Variants in PTPRN2 observed in about 807,000 individuals in gnomAD.
The protein encoded by PTPRN2 is protein tyrosine phosphatase receptor type N2.
Under a neutral mutation model 118.8 loss-of-function variants are expected in PTPRN2, and 74 were observed. That is an observed-to-expected ratio of 0.62 (90% CI 0.52 to 0.76). The LOEUF (loss-of-function observed/expected upper bound fraction) is 0.76, where lower values mean the gene tolerates loss of function less well. Among genes scored for constraint, PTPRN2 ranks in the 30% least tolerant of loss-of-function variants. The probability of loss-of-function intolerance (pLI) is 0.00; values close to 1 mark genes in which losing one functional copy is unlikely to be tolerated. For missense variants in PTPRN2, 1,481 were observed against 1,394.4 expected (o/e 1.06, Z -0.99); for synonymous variants, 641 against 608.0 (o/e 1.05, Z -0.80).
At position 157,813,657 on chromosome 7, in the gene PTPRN2, T is replaced by C. The variant is rs374607375; in HGVS notation, c.1788+85016A>G. On this transcript the variant is annotated intron_variant, in intron 12 of 22. Transcript: ENST00000389418. The surrounding 1 kb of genome is among the most constrained non-coding windows in gnomAD (Gnocchi z 4.7). ...CGGGGGAGTCGCATTTCTTCCTCAC[T>C]GCATCGCTGTATTTTCCAGATGTCC... Among the ~76,000 whole-genome samples the C allele has an allele frequency of 2.0e-5, 3 of 151,950 alleles. No homozygotes were observed. Among genetic ancestry groups the C allele is most frequent in the South Asian group, 4.1e-4 (2 of 4,834 alleles).
At chr7:157,916,549 C>T (rs990594522) in intron 11 of PTPRN2, among the ~76,000 whole-genome samples, 10 of 152,232 alleles carry the variant, frequency 6.6e-5, no homozygotes, top group East Asian at 3.8e-4. Context: ...AGCACCAAGA[C>T]GCATCATTTG....
intron 13 of PTPRN2, among the ~76,000 whole-genome samples, chr7:157,678,221 A>G (rs1348578572): frequency 6.6e-6 from 1 of 152,226 alleles, no homozygotes; most frequent in African/African-American, 2.4e-5. Flanking sequence ...CAAAAAATAT[A>G]TTATTTTGAC....
At chr7:158,583,910 A>T (rs1370928883) in intron 1 of PTPRN2, among the ~76,000 whole-genome samples, 1 of 152,232 alleles carries the variant, frequency 6.6e-6, no homozygotes, top group African/African-American at 2.4e-5. Flanking sequence ...AAGTAAAGAT[A>T]GATTTGTGCT....
intron 12 of PTPRN2, among the ~76,000 whole-genome samples, chr7:157,820,041 C>T (rs1444274980): frequency 1.3e-5 from 2 of 150,214 alleles, no homozygotes; most frequent in Non-Finnish European, 3.0e-5. Context: ...CCCACAGTCA[C>T]ACATGCACCA....
At chr7:158,585,963 T>C (rs1008341849) in intron 1 of PTPRN2, among the ~76,000 whole-genome samples, 5 of 152,140 alleles carry the variant, frequency 3.3e-5, no homozygotes, top group Non-Finnish European at 5.9e-5. Flanking sequence ...TCTTTCCTGA[T>C]AGGGGGCAAG....
At chr7:158,018,787 C>G (rs1488633704) in intron 11 of PTPRN2, among the ~76,000 whole-genome samples, 2 of 151,572 alleles carry the variant, frequency 1.3e-5, no homozygotes, top group Non-Finnish European at 2.9e-5. Context: ...ATGGTAAAAC[C>G]CTGTCTCTAC....
Position 157,927,620 on chromosome 7 carries a change from G to A in PTPRN2, c.1724-28883C>T, listed in dbSNP as rs140154986. Among the ~76,000 whole-genome samples, 471 of 143,868 alleles carry A rather than the reference G, an allele frequency of 3.3e-3. 8 individuals are homozygous for A. The East Asian group carries it at 0.077, about 24-fold the overall frequency. The allele number at this position is 143,868 out of a possible 152,430, so 94.4% of individuals were successfully genotyped here. On this transcript the variant is annotated intron_variant, in intron 11 of 22. Coordinates refer to ENST00000389418, the MANE Select transcript of PTPRN2 (RefSeq NM_002847.5). ...GAGACCTCATGTCTGCTGGGACCCC[G>A]AAGACAGGAAGCCCCAGGGACCCGT...
chr7:158,436,046 G>A (rs1399369059), intron 2 of PTPRN2, among the ~76,000 whole-genome samples: 2 of 152,178 alleles, frequency 1.3e-5, no homozygotes, highest in Non-Finnish European at 2.9e-5. Flanking sequence ...CACTTAAAAT[G>A]TTAAGAGGGT....
intron 11 of PTPRN2, among the ~76,000 whole-genome samples, chr7:157,973,013 G>A (rs1802461761): frequency 6.6e-6 from 1 of 152,114 alleles, no homozygotes; most frequent in African/African-American, 2.4e-5. Flanking sequence ...GAGACTGCAG[G>A]AACTCCACAC....
At chr7:158,071,477 G>C (rs1811638086) in intron 11 of PTPRN2, among the ~76,000 whole-genome samples, 1 of 137,388 alleles carries the variant, frequency 7.3e-6, no homozygotes, top group Non-Finnish European at 1.5e-5. Context: ...TGGTGGTGGA[G>C]GTTCTCATGG....
intron 9 of PTPRN2, among the ~76,000 whole-genome samples, chr7:158,127,799 T>G (rs1290351334): frequency 6.6e-6 from 1 of 152,180 alleles, no homozygotes; most frequent in Non-Finnish European, 1.5e-5. Context: ...CTCCTCCCTA[T>G]ACCTGGTGTC....
At chr7:157,750,220 C>T (rs1004653371) in intron 12 of PTPRN2, among the ~76,000 whole-genome samples, 3 of 152,066 alleles carry the variant, frequency 2.0e-5, no homozygotes, top group Admixed American at 6.6e-5. Context: ...AGAGAATGCT[C>T]GATTTAGAGA....
At chr7:158,268,533 CACACGCACACAGGGCGG>C (rs1798051575) in intron 3 of PTPRN2, among the ~76,000 whole-genome samples, 2 of 139,320 alleles carry the variant, frequency 1.4e-5, no homozygotes, top group African/African-American at 2.8e-5. Context: ...ATATCCCAGC[CACACGCACACAGGGCGG>C]GTGTGTAATA....
At chr7:157,541,073 C>G (rs372253841) in intron 22 of PTPRN2, among the ~76,000 whole-genome samples, 7 of 152,330 alleles carry the variant, frequency 4.6e-5, no homozygotes, top group African/African-American at 1.4e-4. Context: ...AGAAGCTGCC[C>G]ACAGAAGCAG....
At chr7:158,344,154 C>T (rs969188386) in intron 2 of PTPRN2, among the ~76,000 whole-genome samples, 5 of 152,104 alleles carry the variant, frequency 3.3e-5, no homozygotes, top group Non-Finnish European at 7.3e-5. Context: ...GCCGTGACAA[C>T]GAGCAGCAAA....
At chr7:158,171,294 C>CATACAT (rs1412529791) in intron 5 of PTPRN2, among the ~76,000 whole-genome samples, 4 of 62,160 alleles carry the variant, frequency 6.4e-5, no homozygotes, top group Non-Finnish European at 1.1e-4. Context: ...TATATACACA[C>CATACAT]ATATATATAC....
intron 9 of PTPRN2, among the ~76,000 whole-genome samples, chr7:158,115,294 T>G (rs1223892229): frequency 6.6e-6 from 1 of 152,008 alleles, no homozygotes; most frequent in African/African-American, 2.4e-5. Flanking sequence ...CAATGAGACA[T>G]GAGCTCAAGC....
intron 12 of PTPRN2, among the ~76,000 whole-genome samples, chr7:157,761,779 A>G (rs1802145788): frequency 6.7e-6 from 1 of 149,772 alleles, no homozygotes; most frequent in African/African-American, 2.5e-5. Flanking sequence ...GAGCTTCTGC[A>G]CAGCAAAAGA....
intron 6 of PTPRN2, among the ~76,000 whole-genome samples, chr7:158,144,169 G>C (rs1038687278): frequency 1.3e-5 from 2 of 152,216 alleles, no homozygotes; most frequent in Non-Finnish European, 2.9e-5. Flanking sequence ...AATAAAGAAG[G>C]TTAAATGTTC....
Sources: gnomAD v4.1 joint callset for allele counts (sites outside exome capture counted in the v4.1 genomes callset) on GRCh38, gnomAD v4.1.1 for gene constraint, Gnocchi (gnomAD v3.1) non-coding constraint, MANE v1.5 for transcripts, NCBI Gene and HGNC (gene_info 2026-07-23, HGNC 2026-07-21) for gene names.